Variants in SDC2 observed in about 807,000 individuals in gnomAD.
The protein encoded by SDC2 is syndecan 2.
A neutral mutation model predicts 22.2 loss-of-function variants in SDC2; 13 were observed. That is an observed-to-expected ratio of 0.59 (90% CI 0.38 to 0.93). The LOEUF (loss-of-function observed/expected upper bound fraction) is 0.93. SDC2 is among the 40% of genes least tolerant of loss of function. The pLI is 0.00. For synonymous variants in SDC2, 94 were observed against 92.8 expected, an observed-to-expected ratio of 1.01 and a Z score of -0.07; for missense variants, 235 against 246.8, an observed-to-expected ratio of 0.95 and a Z score of 0.32.
chr8:96,551,709 G>T (rs975416788), intron 1 of SDC2, among the ~76,000 whole-genome samples: 1 of 152,158 alleles, frequency 6.6e-6, no homozygotes, highest in Non-Finnish European at 1.5e-5. Context: ...ATGAGAGTAG[G>T]CAGGTAGGAT....
At chr8:96,529,015 C>T (rs1230125613) in intron 1 of SDC2, among the ~76,000 whole-genome samples, 1 of 152,246 alleles carries the variant, frequency 6.6e-6, no homozygotes, top group Non-Finnish European at 1.5e-5. Context: ...CCCGGCACAG[C>T]TGTGCCAAAA....
At chr8:96,569,823 ACTG>A (rs1159646629) in intron 1 of SDC2, among the ~76,000 whole-genome samples, 1 of 152,058 alleles carries the variant, frequency 6.6e-6, no homozygotes, top group Non-Finnish European at 1.5e-5. Context: ...CTCCTCCTGT[ACTG>A]CTGGGAAATT....
At chr8:96,495,542 T>A (rs1813059938) in intron 1 of SDC2, among the ~76,000 whole-genome samples, 1 of 152,216 alleles carries the variant, frequency 6.6e-6, no homozygotes, top group African/African-American at 2.4e-5. Context: ...TTCTGGCCCT[T>A]CTGGTTCCCC....
At chr8:96,538,869 C>T (rs1180943615) in intron 1 of SDC2, 4 of 152,306 alleles carry the variant, frequency 2.6e-5, no homozygotes, top group Non-Finnish European at 4.4e-5. Context: ...CTAATCAAGG[C>T]GTTGCCTTCT....
At chr8:96,495,083 G>A (rs1263690898) in intron 1 of SDC2, among the ~76,000 whole-genome samples, 1 of 152,166 alleles carries the variant, frequency 6.6e-6, no homozygotes, top group Non-Finnish European at 1.5e-5. Context: ...TCAGGGACGG[G>A]AGGACATTTT....
chr8:96,510,198 T>C (rs1458978833), intron 1 of SDC2, among the ~76,000 whole-genome samples: 1 of 152,228 alleles, frequency 6.6e-6, no homozygotes, highest in Non-Finnish European at 1.5e-5. Flanking sequence ...AAATACATTC[T>C]GGGACTTGAT....
intron 1 of SDC2, among the ~76,000 whole-genome samples, chr8:96,591,131 C>T (rs1302838638): frequency 6.6e-6 from 1 of 152,130 alleles, no homozygotes; most frequent in Non-Finnish European, 1.5e-5. Flanking sequence ...ACTGGGTCAT[C>T]GAATGAATTG....
At chr8:96,526,111 G>A (rs1240193985) in intron 1 of SDC2, among the ~76,000 whole-genome samples, 1 of 152,158 alleles carries the variant, frequency 6.6e-6, no homozygotes, top group Non-Finnish European at 1.5e-5. Flanking sequence ...GCAGGGCCAG[G>A]TATGTTTTAG....
chr8:96,536,080 C>T (rs1449128818), intron 1 of SDC2, among the ~76,000 whole-genome samples: 1 of 151,986 alleles, frequency 6.6e-6, no homozygotes, highest in Non-Finnish European at 1.5e-5. Context: ...TGGACTTGCC[C>T]CTTGAGGAAT....
At chr8:96,518,589 C>T (rs1813446172) in intron 1 of SDC2, among the ~76,000 whole-genome samples, 2 of 152,198 alleles carry the variant, frequency 1.3e-5, no homozygotes, top group African/African-American at 2.4e-5. Context: ...GATTTCTTGA[C>T]CTCGTGATCC....
chr8:96,573,112 CTTG>C (rs1814423271), intron 1 of SDC2, among the ~76,000 whole-genome samples: 1 of 152,038 alleles, frequency 6.6e-6, no homozygotes, highest in South Asian at 2.1e-4. Flanking sequence ...TACTTGTATT[CTTG>C]TTTTTTGTTT....
At chr8:96,600,397 G>A (rs186070536) in intron 2 of SDC2, among the ~76,000 whole-genome samples, 13 of 152,288 alleles carry the variant, frequency 8.5e-5, no homozygotes, top group African/African-American at 2.9e-4. Context: ...GTATTTGAAT[G>A]TCAGAAATTC....
At chr8:96,590,472 T>G (rs565926619) in intron 1 of SDC2, among the ~76,000 whole-genome samples, 16 of 152,282 alleles carry the variant, frequency 1.1e-4, no homozygotes, top group Non-Finnish European at 2.1e-4. Context: ...AGTTTCGAAT[T>G]CACCCCTTTT....
At chr8:96,504,390 C>T (rs1813208781) in intron 1 of SDC2, among the ~76,000 whole-genome samples, 1 of 152,142 alleles carries the variant, frequency 6.6e-6, no homozygotes, top group Non-Finnish European at 1.5e-5. Context: ...TGTACTCTCC[C>T]AAATTAAGAA....
intron 1 of SDC2, among the ~76,000 whole-genome samples, chr8:96,576,240 C>T (rs1814488633): frequency 6.6e-6 from 1 of 151,860 alleles, no homozygotes; most frequent in Non-Finnish European, 1.5e-5. Context: ...GCTCTGGTGT[C>T]ACCTGAAGTT....
At chr8:96,536,779 G>A (rs767093832) in intron 1 of SDC2, among the ~76,000 whole-genome samples, 2 of 152,200 alleles carry the variant, frequency 1.3e-5, no homozygotes, top group Non-Finnish European at 2.9e-5. Context: ...GACCAGGTAG[G>A]ATAGGGAATT....
At chr8:96,555,870 G>A (rs1227593614) in intron 1 of SDC2, among the ~76,000 whole-genome samples, 2 of 152,118 alleles carry the variant, frequency 1.3e-5, no homozygotes, top group South Asian at 2.1e-4. Context: ...TTCTTTGTTT[G>A]TTTCAGGGAA....
intron 1 of SDC2, among the ~76,000 whole-genome samples, chr8:96,536,969 C>T (rs1813764597): frequency 6.6e-6 from 1 of 152,154 alleles, no homozygotes; most frequent in Admixed American, 6.5e-5. Context: ...TCTTCAGCAG[C>T]TGGTCTAAAC....
intron 1 of SDC2, among the ~76,000 whole-genome samples, chr8:96,499,940 A>G (rs1471420590): frequency 2.0e-5 from 3 of 152,176 alleles, no homozygotes; most frequent in Admixed American, 6.5e-5. Flanking sequence ...ATCTGTTGAC[A>G]CTGCATGCTG....
Sources: gnomAD v4.1 joint callset for allele counts (sites outside exome capture counted in the v4.1 genomes callset) on GRCh38, gnomAD v4.1.1 for gene constraint, MANE v1.5 for transcripts, NCBI Gene and HGNC (gene_info 2026-07-23, HGNC 2026-07-21) for gene names.